SYNE2: variants seen among roughly 807,000 people sequenced by gnomAD.
The protein encoded by SYNE2 is nesprin-2.
In SYNE2, 431 loss-of-function variants were observed where a neutral mutation model predicts 856.3. The observed-to-expected ratio is 0.50, with a 90% confidence interval of 0.47 to 0.55. SYNE2 has a LOEUF of 0.55. Among genes scored for constraint, SYNE2 ranks in the 20% least tolerant of loss-of-function variants. The pLI is 0.00. For synonymous variants in SYNE2, 2,923 were observed against 2,872.3 expected (o/e 1.02, Z -0.56); for missense variants, 8,129 against 8,023.2 (o/e 1.01, Z -0.50).
chr14:63,854,164 T>TG, intron 1 of SYNE2, among the ~76,000 whole-genome samples: 1 of 23,574 alleles, frequency 4.2e-5, no homozygotes, highest in Non-Finnish European at 1.2e-4. Flanking sequence ...TTGGCATCAC[T>TG]TTTTTTTTTT....
intron 1 of SYNE2, among the ~76,000 whole-genome samples, chr14:63,814,755 CATAT>C (rs1212590943): frequency 1.3e-5 from 1 of 79,634 alleles, no homozygotes; most frequent in Non-Finnish European, 2.5e-5. Context: ...CATATATATC[CATAT>C]ATATATCCAT....
intron 2 of SYNE2, among the ~76,000 whole-genome samples, chr14:63,912,868 CT>C (rs1401679792): frequency 5.9e-5 from 9 of 152,226 alleles, no homozygotes; most frequent in Non-Finnish European, 1.2e-4. Flanking sequence ...GTGACTTTAT[CT>C]TTCTTTTCAT....
At chr14:64,075,479 A>G (rs1482598204) in intron 53 of SYNE2, 1 of 196,268 alleles carries the variant, frequency 5.1e-6, no homozygotes, top group East Asian at 1.4e-4. Flanking sequence ...ATTACATGAA[A>G]GTAGACACTT....
intron 2 of SYNE2, among the ~76,000 whole-genome samples, chr14:63,912,161 C>T (rs1042118943): frequency 5.9e-5 from 9 of 151,988 alleles, no homozygotes; most frequent in African/African-American, 1.5e-4. Flanking sequence ...GAAGGCTTTA[C>T]GGCGAAATGA....
rs1400526778 is a variant in SYNE2, at chr14:64,098,771, T to C, written c.12331T>C (p.Tyr4111His). The change falls in exon 63 of 116, where the codon TAC becomes CAC. Residue 4111 changes from tyrosine (Y) to histidine (H), a missense_variant. Physicochemically the swap from Tyr to His is moderately conservative, Grantham distance 83 (BLOSUM62 2). Transcript: ENST00000555002. ...RKLNRRGSMS[Y>H]LAAVEEEVEE... ...GTTGAACAGAAGAGGCTCCATGTCT[T>C]ACCTGGCAGCAGTCGAGGAAGAGGT... The C allele has an allele frequency of 6.2e-7, 1 of 1,614,126 alleles. No homozygotes were observed. The highest frequency in any genetic ancestry group is 1.7e-5 in the Admixed American group (1 of 60,014).
intron 60 of SYNE2, among the ~76,000 whole-genome samples, chr14:64,092,602 G>A (rs11158528): frequency 0.081 from 12,403 of 152,230 alleles, 867 homozygotes; most frequent in African/African-American, 0.19. Flanking sequence ...TAGAAACTTT[G>A]TAGTTTTAAA....
intron 1 of SYNE2, among the ~76,000 whole-genome samples, chr14:63,771,118 G>A (rs1886886174): frequency 6.7e-6 from 1 of 148,958 alleles, no homozygotes; most frequent in African/African-American, 2.5e-5. Context: ...GGCCCAGGCG[G>A]GAGCGCAGTG....
intron 1 of SYNE2, among the ~76,000 whole-genome samples, chr14:63,777,634 G>C (rs999406376): frequency 2.0e-5 from 3 of 152,096 alleles, no homozygotes; most frequent in African/African-American, 4.8e-5. Context: ...TGTAATAGTG[G>C]AGTAGTTTGT....
chr14:63,907,795 T>C (rs1351056668), intron 1 of SYNE2, among the ~76,000 whole-genome samples: 2 of 152,162 alleles, frequency 1.3e-5, no homozygotes, highest in Non-Finnish European at 2.9e-5. Flanking sequence ...CTGCCAAGGC[T>C]CATGGTGAAC....
At chr14:64,032,293 G>C (rs557806817) in intron 45 of SYNE2, among the ~76,000 whole-genome samples, 6 of 152,286 alleles carry the variant, frequency 3.9e-5, no homozygotes, top group African/African-American at 1.4e-4. Flanking sequence ...AAATGTGTCA[G>C]GCCGGGCATG....
chr14:64,110,588 A>ACCCCCCCCC (rs11315645), intron 65 of SYNE2, among the ~76,000 whole-genome samples: 20 of 75,386 alleles, frequency 2.7e-4, no homozygotes, highest in African/African-American at 4.6e-4. Context: ...TACTTTTTAC[A>ACCCCCCCCC]CCCCCCCCCC....
chr14:63,932,150 T>C (rs2153400565), intron 2 of SYNE2, among the ~76,000 whole-genome samples: 1 of 151,820 alleles, frequency 6.6e-6, no homozygotes, highest in South Asian at 2.1e-4. Flanking sequence ...CCAAGGCAGG[T>C]GGAGCACCTC....
At chr14:63,829,031 G>T (rs934113903) in intron 1 of SYNE2, among the ~76,000 whole-genome samples, 1 of 152,096 alleles carries the variant, frequency 6.6e-6, no homozygotes, top group African/African-American at 2.4e-5. Context: ...AATAAAAAAA[G>T]ACCAACAATA....
chr14:63,902,978 T>C lies in SYNE2; in HGVS notation c.-51-6120T>C, dbSNP rs1233487184. The stretch of plus-strand genomic sequence containing the variant: ...CAGGTATGAGCCACTGCACCTGGCC[T>C]TTGACTCTTTCTTCTGCCTTCCTTT... On this transcript the variant is annotated intron_variant, in intron 1 of 115. Transcript: ENST00000555002. Among the ~76,000 whole-genome samples the C allele has an allele frequency of 5.3e-5, 8 of 152,300 alleles. No homozygotes were observed. The East Asian group carries it at 1.3e-3, about 26-fold the overall frequency.
At chr14:64,217,497 T>A (rs746732212) in intron 108 of SYNE2, among the ~76,000 whole-genome samples, 6 of 152,238 alleles carry the variant, frequency 3.9e-5, no homozygotes, top group Non-Finnish European at 7.3e-5. Flanking sequence ...CCAAGTCAGC[T>A]GATAATGGGC....
intron 1 of SYNE2, among the ~76,000 whole-genome samples, chr14:63,814,791 TATATATCC>T (rs1253986791): frequency 6.9e-4 from 90 of 130,866 alleles, no homozygotes; most frequent in East Asian, 1.3e-3. Context: ...TATATATCCA[TATATATCC>T]ATATATATCC....
intron 76 of SYNE2, among the ~76,000 whole-genome samples, 175 bp from the exon 77 acceptor site, chr14:64,132,090 T>C (rs1374148502): frequency 2.0e-5 from 3 of 152,182 alleles, no homozygotes; most frequent in Non-Finnish European, 2.9e-5. Flanking sequence ...TTCACCACCA[T>C]GCCTAGCTAA....
intron 51 of SYNE2, among the ~76,000 whole-genome samples, chr14:64,069,007 G>A (rs1329715055): frequency 1.3e-5 from 2 of 152,196 alleles, no homozygotes; most frequent in African/African-American, 4.8e-5. Context: ...CCAGGGAACA[G>A]GAGTGGTAGA....
intron 1 of SYNE2, among the ~76,000 whole-genome samples, chr14:63,902,929 C>T (rs2095358445): frequency 6.6e-6 from 1 of 152,152 alleles, no homozygotes; most frequent in South Asian, 2.1e-4. Context: ...CCTCCTGCCT[C>T]TGGCTTCCTA....
Sources: gnomAD v4.1 joint callset for allele counts (sites outside exome capture counted in the v4.1 genomes callset) on GRCh38, gnomAD v4.1.1 for gene constraint, MANE v1.5 for transcripts, NCBI Gene and HGNC (gene_info 2026-07-23, HGNC 2026-07-21) for gene names.